Variants in KDM2B observed in about 807,000 individuals in gnomAD.
KDM2B encodes lysine-specific demethylase 2B.
KDM2B carries 26 observed loss-of-function variants against 150.0 expected under a neutral mutation model. The observed-to-expected ratio is 0.17, with a 90% CI of 0.13 to 0.24. KDM2B has a LOEUF of 0.24. Among genes scored for constraint, KDM2B ranks in the 10% least tolerant of loss-of-function variants. The probability of loss-of-function intolerance (pLI) is 1.00; values close to 1 mark genes in which losing one functional copy is unlikely to be tolerated. For missense variants in KDM2B, 1,265 were observed against 1,816.9 expected (o/e 0.70, Z 5.52); for synonymous variants, 734 against 729.5 (o/e 1.01, Z -0.10).
At position 121,513,185 on chromosome 12, in the gene KDM2B, A is replaced by G. The variant is rs922362055; in HGVS notation, c.1174+91T>C. The G allele has an allele frequency of 9.5e-6, 14 of 1,477,522 alleles. No individual in the cohort carries two copies. Among genetic ancestry groups the G allele is most frequent in the Admixed American group, 7.3e-5 (4 of 54,926 alleles). The allele number at this position is 1,477,522 out of a possible 1,614,324, so 91.5% of individuals were successfully genotyped here. The stretch of plus-strand genomic sequence containing the variant: ...AATACACTGATTCAACGAATCCCCA[A>G]AACTCAGGGAGTGTCTCCAGGCCCC... On this transcript the variant is annotated intron_variant, in intron 10 of 22. Transcript: ENST00000377071. This position sits in a 1 kb window ranked among gnomAD's most constrained non-coding sequence, Gnocchi z 5.0.
At chr12:121,554,912 G>A (rs1889785856) in intron 4 of KDM2B, among the ~76,000 whole-genome samples, 1 of 152,170 alleles carries the variant, frequency 6.6e-6, no homozygotes, top group African/African-American at 2.4e-5. Flanking sequence ...TAGGCTGAGT[G>A]TGGTGACTCA....
At chr12:121,499,187 T>C (rs1286328164) in intron 11 of KDM2B, among the ~76,000 whole-genome samples, 1 of 149,488 alleles carries the variant, frequency 6.7e-6, no homozygotes, top group African/African-American at 2.5e-5. Flanking sequence ...CTTAGCTCAC[T>C]GCAGCCTCTA....
At chr12:121,473,299 G>A (rs1400510388) in intron 12 of KDM2B, among the ~76,000 whole-genome samples, 1 of 151,664 alleles carries the variant, frequency 6.6e-6, no homozygotes, top group Admixed American at 6.6e-5. Flanking sequence ...GGCTGAGGCA[G>A]TAGAATCGCT....
At chr12:121,418,058 A>G in the KDM2B span, 19 of 863,484 alleles carry the variant, frequency 2.2e-5, no homozygotes, top group African/African-American at 3.2e-4. Context: ...CTCTGCACTT[A>G]AAGGCTGTCC....
chr12:121,447,793 G>A (rs1469742928), intron 13 of KDM2B, among the ~76,000 whole-genome samples: 4 of 151,454 alleles, frequency 2.6e-5, no homozygotes, highest in African/African-American at 9.7e-5. Context: ...TCAGCCTCCC[G>A]AGTAGCTGGG....
At position 121,518,377 on chromosome 12, in the gene KDM2B, C is replaced by T. The variant is rs1429020950; in HGVS notation, c.1047+2608G>A. Among the ~76,000 whole-genome samples the T allele has an allele frequency of 6.6e-6, 1 of 152,008 alleles. No individual in the cohort carries two copies. The highest frequency in any genetic ancestry group is 1.5e-5 in the Non-Finnish European group (1 of 68,038). The stretch of plus-strand genomic sequence containing the variant: ...ACAATTGGGCCTCGTAGCCAAGTCC[C>T]TCTCTCAAGACCAGAAATCAAGGCA... On this transcript the variant is annotated intron_variant, in intron 9 of 22. Transcript: ENST00000377071. This position sits in a 1 kb window ranked among gnomAD's most constrained non-coding sequence, Gnocchi z 4.4.
chr12:121,507,620 A>G, intron 11 of KDM2B, among the ~76,000 whole-genome samples: 1 of 152,206 alleles, frequency 6.6e-6, no homozygotes, highest in Non-Finnish European at 1.5e-5. Context: ...GGCGAGGGAT[A>G]GGAGGAGCCA....
chr12:121,494,769 C>T, intron 11 of KDM2B, 104 bp from the exon 12 acceptor site: 4 of 804,154 alleles, frequency 5.0e-6, no homozygotes, highest in Non-Finnish European at 7.6e-6. Flanking sequence ...TCCACAAAGT[C>T]AGCGCCTGGC....
At chr12:121,579,953 A>G in intron 1 of KDM2B, 1 of 1,487,800 alleles carries the variant, frequency 6.7e-7, no homozygotes, top group Non-Finnish European at 8.9e-7. Flanking sequence ...CAAAAAAAAA[A>G]AAAAAAAGAT....
chr12:121,513,110 G>A lies in KDM2B; in HGVS notation c.1174+166C>T, dbSNP rs1282368362. 6.6e-6 allele frequency among the ~76,000 whole-genome samples: 1 copy of A among 152,232 alleles called. No homozygotes were observed. Among genetic ancestry groups the A allele is most frequent in the Non-Finnish European group, 1.5e-5 (1 of 68,040 alleles). ...TTTTCTTGGACTCTGTATTCCAGGT[G>A]GGAAACTGGCAAGAATGGCTTCCCC... On this transcript the variant is annotated intron_variant, in intron 10 of 22. Coordinates refer to ENST00000377071, the MANE Select transcript of KDM2B (RefSeq NM_032590.5). This position sits in a 1 kb window ranked among gnomAD's most constrained non-coding sequence, Gnocchi z 5.0.
Position 121,452,506 on chromosome 12 carries a change from G to A in KDM2B, c.1959+614C>T, listed in dbSNP as rs551936109. On this transcript the variant is annotated intron_variant, in intron 13 of 22. Coordinates refer to ENST00000377071, the MANE Select transcript of KDM2B (RefSeq NM_032590.5). The surrounding 1 kb of genome is among the most constrained non-coding windows in gnomAD (Gnocchi z 4.4). ...AGATGACTCCTCCACAGGGAGGACC[G>A]CCGGCCCCCGGGGAGCAGCGCCCTG... Among the ~76,000 whole-genome samples the A allele has an allele frequency of 2.6e-5, 4 of 152,336 alleles. No individual in the cohort carries two copies. The highest frequency in any genetic ancestry group is 1.9e-4 in the East Asian group (1 of 5,180).
chr12:121,410,462 G>A, the KDM2B span, among the ~76,000 whole-genome samples: 3 of 151,910 alleles, frequency 2.0e-5, no homozygotes, highest in African/African-American at 7.2e-5. Flanking sequence ...GCTTGAACCC[G>A]GGAGGCAGAG....
At position 121,462,517 on chromosome 12, in the gene KDM2B, G is replaced by A. The variant is rs569221267; in HGVS notation, c.1735-9173C>T. 1.7e-4 allele frequency among the ~76,000 whole-genome samples: 25 copies of A among 150,108 alleles called. No homozygotes were observed. In the Middle Eastern group the frequency reaches 0.01, roughly 62 times the overall value. ...TTCACTTTTTTTTTTTTTTTGAGAC[G>A]GAGTCTCGTACTGTTGCCTGGGCTA... is the stretch of plus-strand genomic sequence containing the variant. On this transcript the variant is annotated intron_variant, in intron 12 of 22. Coordinates refer to ENST00000377071, the MANE Select transcript of KDM2B (RefSeq NM_032590.5).
intron 4 of KDM2B, among the ~76,000 whole-genome samples, chr12:121,564,914 C>A (rs1161798049): frequency 1.3e-5 from 2 of 151,990 alleles, no homozygotes; most frequent in Non-Finnish European, 2.9e-5. Flanking sequence ...CTGCAGCCTC[C>A]GCCTCTGGGG....
intron 4 of KDM2B, among the ~76,000 whole-genome samples, chr12:121,556,687 C>T (rs1555312788): frequency 6.6e-6 from 1 of 152,014 alleles, no homozygotes; most frequent in African/African-American, 2.4e-5. Context: ...CCTGTCTCTA[C>T]TAAAAATACA....
At chr12:121,471,649 TGGTTTACCTAAGCGGAG>T (rs1339281858) in intron 12 of KDM2B, among the ~76,000 whole-genome samples, 1 of 152,174 alleles carries the variant, frequency 6.6e-6, no homozygotes. Context: ...CCGTGGACTC[TGGTTTACCTAAGCGGAG>T]GGGCTCTCCA....
At chr12:121,450,776 G>T (rs930903901) in intron 13 of KDM2B, among the ~76,000 whole-genome samples, 1 of 151,746 alleles carries the variant, frequency 6.6e-6, no homozygotes, top group Non-Finnish European at 1.5e-5. Flanking sequence ...AGGAAAAATG[G>T]CATGAACCCA....
rs1327811902 is a variant in KDM2B, at chr12:121,533,275, G to A, written c.778-316C>T. 6.6e-6 allele frequency among the ~76,000 whole-genome samples: 1 copy of A among 152,192 alleles called. No individual in the cohort carries two copies. The highest frequency in any genetic ancestry group is 1.9e-4 in the East Asian group (1 of 5,198). On this transcript the variant is annotated intron_variant, in intron 7 of 22. Transcript: ENST00000377071. The surrounding 1 kb of genome is among the most constrained non-coding windows in gnomAD (Gnocchi z 4.1). ...AGGCTTGTCTAGGAGGTGGGGGAAG[G>A]AGAGGAAGGGAATTTCCTAAGTTGT...
chr12:121,479,546 T>C (rs1365680156), intron 12 of KDM2B, among the ~76,000 whole-genome samples: 2 of 151,934 alleles, frequency 1.3e-5, no homozygotes, highest in African/African-American at 4.8e-5. Flanking sequence ...GAAAGCTACT[T>C]GGGCCCAGAA....
Sources: allele counts gnomAD v4.1 joint callset (sites outside exome capture counted in the v4.1 genomes callset), GRCh38; gene constraint gnomAD v4.1.1; non-coding constraint Gnocchi (gnomAD v3.1); transcripts MANE v1.5; gene names NCBI Gene and HGNC (gene_info 2026-07-23, HGNC 2026-07-21).